The following SYN3 variants were observed in gnomAD, a reference collection of about 807,000 sequenced individuals.
The protein encoded by SYN3 is synapsin-3.
A neutral mutation model predicts 65.8 loss-of-function variants in SYN3; 35 were observed. The ratio of observed to expected loss-of-function variants is 0.53; its 90% CI spans 0.41 to 0.70. The LOEUF (loss-of-function observed/expected upper bound fraction) is 0.70. Ranked by LOEUF, SYN3 falls within the 30% of genes least tolerant of loss-of-function variation. The pLI is 0.00. For missense variants in SYN3, 680 were observed against 749.0 expected (o/e 0.91, Z 1.08); for synonymous variants, 270 against 292.9 (o/e 0.92, Z 0.80).
intron 3 of SYN3, among the ~76,000 whole-genome samples, chr22:32,953,383 A>G (rs2051349580): frequency 6.6e-6 from 1 of 152,222 alleles, no homozygotes; most frequent in South Asian, 2.1e-4. Flanking sequence ...ATAAATATAA[A>G]TAATACATTG....
At chr22:32,768,736 T>C (rs2045689923) in intron 6 of SYN3, among the ~76,000 whole-genome samples, 1 of 152,198 alleles carries the variant, frequency 6.6e-6, no homozygotes, top group Admixed American at 6.5e-5. Context: ...CCCATAGTAC[T>C]TCCTGAGCCC....
chr22:32,966,519 G>A (rs1392562959), intron 3 of SYN3, among the ~76,000 whole-genome samples: 3 of 152,148 alleles, frequency 2.0e-5, no homozygotes, highest in Non-Finnish European at 2.9e-5. Flanking sequence ...CAAGTCTAAT[G>A]CACAGGTCAG....
intron 4 of SYN3, among the ~76,000 whole-genome samples, chr22:32,914,136 G>T (rs1294166608): frequency 6.6e-6 from 1 of 152,206 alleles, no homozygotes; most frequent in Non-Finnish European, 1.5e-5. Context: ...CTTGTCCAAT[G>T]TAAGTGACAG....
At chr22:32,516,854 T>TGCAAG (rs1241441533) in intron 13 of SYN3, among the ~76,000 whole-genome samples, 66 of 152,208 alleles carry the variant, frequency 4.3e-4, no homozygotes, top group Non-Finnish European at 7.8e-4. Flanking sequence ...GAAATAGTTA[T>TGCAAG]TAACTCCTAA....
intron 6 of SYN3, among the ~76,000 whole-genome samples, chr22:32,739,823 T>A (rs1333999203): frequency 1.3e-5 from 2 of 152,242 alleles, no homozygotes; most frequent in Admixed American, 1.3e-4. Context: ...GATGCCAACA[T>A]TAGTTTGAGC....
At chr22:32,568,305 C>G (rs2058700853) in intron 7 of SYN3, among the ~76,000 whole-genome samples, 1 of 152,202 alleles carries the variant, frequency 6.6e-6, no homozygotes, top group African/African-American at 2.4e-5. Context: ...CTCTTTCCTC[C>G]TCTGGACTTC....
rs766102430 is a variant in SYN3 at position 32,509,376 on chromosome 22, A to C, written c.*4316T>G. On this transcript the variant is annotated 3_prime_UTR_variant, in exon 14 of 14. Coordinates refer to ENST00000358763, the MANE Select transcript of SYN3 (RefSeq NM_003490.4). Reference sequence around the variant, plus strand: ...CAACAAACATAACATTTTAGAGTCTATACAGCATGACTCCCCTCTCCCTCC... The same window carrying C: ...CAACAAACATAACATTTTAGAGTCTCTACAGCATGACTCCCCTCTCCCTCC... Among the ~76,000 whole-genome samples the C allele has an allele frequency of 6.6e-6, 1 of 152,160 alleles. No homozygotes were observed. The highest frequency in any genetic ancestry group is 1.5e-5 in the Non-Finnish European group (1 of 68,030).
At chr22:32,980,128 A>G (rs1327973554) in intron 3 of SYN3, among the ~76,000 whole-genome samples, 4 of 152,196 alleles carry the variant, frequency 2.6e-5, no homozygotes, top group East Asian at 1.9e-4. Flanking sequence ...AAGAGATAGT[A>G]TTTGCAATTC....
chr22:32,601,376 C>T (rs1042449978), intron 6 of SYN3, among the ~76,000 whole-genome samples: 2 of 151,716 alleles, frequency 1.3e-5, no homozygotes, highest in Non-Finnish European at 2.9e-5. Context: ...CTCCTGGGTT[C>T]ACGCCATTCT....
intron 6 of SYN3, among the ~76,000 whole-genome samples, chr22:32,617,577 G>A (rs940274358): frequency 6.6e-5 from 10 of 152,056 alleles, no homozygotes; most frequent in South Asian, 4.2e-4. Context: ...ATGGGGAAGC[G>A]GGGTGGGACC....
At chr22:32,626,571 A>C (rs1023642000) in intron 6 of SYN3, among the ~76,000 whole-genome samples, 9 of 152,168 alleles carry the variant, frequency 5.9e-5, no homozygotes, top group African/African-American at 1.7e-4. Context: ...GAAAGGAATG[A>C]GCACTTGGGC....
intron 6 of SYN3, among the ~76,000 whole-genome samples, chr22:32,808,922 G>C (rs1245171460): frequency 1.3e-5 from 2 of 152,170 alleles, no homozygotes; most frequent in African/African-American, 2.4e-5. Context: ...ACCCACTTTA[G>C]AGGGTAAGCA....
intron 1 of SYN3, among the ~76,000 whole-genome samples, chr22:33,008,792 G>C (rs1399793857): frequency 1.3e-5 from 2 of 151,718 alleles, no homozygotes; most frequent in Non-Finnish European, 2.9e-5. Flanking sequence ...GGGTGTGGTG[G>C]TGTGGGCCTG....
rs370974202 is a variant in SYN3, at chr22:32,670,266, A to T, written c.712-73530T>A. ...TTAGAACTAGATATATCTCCCTCAC[A>T]TGCATTGATTTTTATATTATAGTAA... On this transcript the variant is annotated intron_variant, in intron 6 of 13. Coordinates refer to ENST00000358763, the MANE Select transcript of SYN3 (RefSeq NM_003490.4). Among the ~76,000 whole-genome samples the T allele has an allele frequency of 2.9e-3, 449 of 152,256 alleles. 1 individual carries two copies. Among genetic ancestry groups the T allele is most frequent in the Non-Finnish European group, 5.0e-3 (341 of 68,024 alleles).
intron 1 of SYN3, among the ~76,000 whole-genome samples, chr22:33,038,088 G>C (rs981204949): frequency 3.3e-5 from 5 of 152,136 alleles, no homozygotes; most frequent in African/African-American, 9.7e-5. Context: ...CCGGTGCCCT[G>C]CTGGCTCTCT....
chr22:32,852,498 G>A (rs1260888627), intron 6 of SYN3, among the ~76,000 whole-genome samples: 3 of 152,156 alleles, frequency 2.0e-5, no homozygotes, highest in Non-Finnish European at 4.4e-5. Flanking sequence ...TTTGGCACTG[G>A]TCCCTGGGAG....
At chr22:32,907,566 G>A (rs968905273) in intron 4 of SYN3, among the ~76,000 whole-genome samples, 1 of 152,174 alleles carries the variant, frequency 6.6e-6, no homozygotes, top group African/African-American at 2.4e-5. Context: ...AATCTAAGGT[G>A]GGAGTAGGGA....
At chr22:33,045,459 CTT>C (rs745442160) in intron 1 of SYN3, among the ~76,000 whole-genome samples, 125 of 84,682 alleles carry the variant, frequency 1.5e-3, no homozygotes, top group African/African-American at 5.3e-3. Context: ...GCTCTACTTT[CTT>C]TTTTTTTTTT....
At chr22:33,052,737 A>G (rs2054191075) in intron 1 of SYN3, among the ~76,000 whole-genome samples, 1 of 152,234 alleles carries the variant, frequency 6.6e-6, no homozygotes, top group Non-Finnish European at 1.5e-5. Context: ...ATCGGTCAGC[A>G]CCGTCATTGG....
Sources: gnomAD v4.1 joint callset for allele counts (sites outside exome capture counted in the v4.1 genomes callset) on GRCh38, gnomAD v4.1.1 for gene constraint, MANE v1.5 for transcripts, NCBI Gene and HGNC (gene_info 2026-07-23, HGNC 2026-07-21) for gene names.